SNX14: variants seen among roughly 807,000 people sequenced by gnomAD.
SNX14 encodes sorting nexin-14.
A neutral mutation model predicts 133.8 loss-of-function variants in SNX14; 93 were observed. The observed-to-expected ratio is 0.70, with a 90% CI of 0.59 to 0.83. SNX14 has a LOEUF of 0.83. Among genes scored for constraint, SNX14 ranks in the 40% least tolerant of loss-of-function variants. The pLI is 0.00. For synonymous variants in SNX14, 368 were observed against 365.6 expected (o/e 1.01, Z -0.07); for missense variants, 945 against 1,094.9 (o/e 0.86, Z 1.93).
At chr6:85,589,391 T>G (rs1229659936) in intron 1 of SNX14, 1 of 153,542 alleles carries the variant, frequency 6.5e-6, no homozygotes, top group African/African-American at 2.4e-5. Context: ...CAGCTAAATT[T>G]TTTGTATTTT....
intron 12 of SNX14, among the ~76,000 whole-genome samples, chr6:85,544,420 T>C (rs1784845171): frequency 6.6e-6 from 1 of 151,952 alleles, no homozygotes; most frequent in South Asian, 2.1e-4. Context: ...TTGCCATTCC[T>C]GTATGAGTTA....
At chr6:85,579,086 C>T (rs944793276) in intron 1 of SNX14, among the ~76,000 whole-genome samples, 1 of 151,792 alleles carries the variant, frequency 6.6e-6, no homozygotes, top group South Asian at 2.1e-4. Context: ...TGCAGTGAGC[C>T]GAGATCACGC....
At chr6:85,525,424 T>C (rs1345782060) in intron 21 of SNX14, among the ~76,000 whole-genome samples, 2 of 152,048 alleles carry the variant, frequency 1.3e-5, no homozygotes, top group Admixed American at 1.3e-4. Context: ...TCAAAACAAA[T>C]TAACAATGAT....
rs1489240582 is a variant in SNX14, at chr6:85,580,931, C to T, written c.141-6553G>A. 4.6e-5 allele frequency among the ~76,000 whole-genome samples: 7 copies of T among 152,244 alleles called. No homozygotes were observed. The East Asian group carries it at 1.4e-3, about 29-fold the overall frequency. On this transcript the variant is annotated intron_variant, in intron 1 of 28. Coordinates refer to ENST00000314673, the MANE Select transcript of SNX14 (RefSeq NM_153816.6). ...ACCCCATATCCAGGGGAACTTGCCA[C>T]CCTGAAGGGAAGGACACAAGCCTGG...
intron 17 of SNX14, among the ~76,000 whole-genome samples, chr6:85,536,024 G>A (rs142042208): frequency 6.6e-6 from 1 of 152,220 alleles, no homozygotes; most frequent in Non-Finnish European, 1.5e-5. Context: ...GCCTTTATGG[G>A]ACTATGTGAT....
rs1374407582 is a variant in SNX14 at position 85,513,832 on chromosome 6, T to C, written c.2621A>G (p.Gln874Arg). The part of the protein sequence containing the change: ...SLQDKQKGAK[Q>R]TFEEMMNYIP... ...GTAATTCATCATTTCTTCAAAAGTC[T>C]GTTTTGCTCCTTTTTGCTTATCTTG... Residue 874 changes from glutamine to arginine, a missense_variant, in exon 26 of 29, where the codon CAG becomes CGG. Coordinates refer to ENST00000314673, the MANE Select transcript of SNX14 (RefSeq NM_153816.6). The C allele has an allele frequency of 6.2e-7, 1 of 1,613,038 alleles. No homozygotes were observed. The highest frequency in any genetic ancestry group is 1.1e-5 in the South Asian group (1 of 90,938).
chr6:85,514,438 G>T, intron 24 of SNX14, 68 bp downstream of exon 24: 1 of 1,565,738 alleles, frequency 6.4e-7, no homozygotes, highest in Non-Finnish European at 8.7e-7. Flanking sequence ...CAATACTCAA[G>T]ATCATTATTT....
At chr6:85,547,611 C>A in intron 9 of SNX14, 61 bp from the exon 10 acceptor site, 1 of 1,342,004 alleles carries the variant, frequency 7.5e-7, no homozygotes, top group South Asian at 1.4e-5. Flanking sequence ...CCCCAGAATT[C>A]TCATAACTTG....
At position 85,572,093 on chromosome 6, in the gene SNX14, G is replaced by C. The variant is rs776799616; in HGVS notation, c.417+44C>G. On this transcript the variant is annotated intron_variant, in intron 4 of 28. Coordinates refer to ENST00000314673, the MANE Select transcript of SNX14 (RefSeq NM_153816.6). ...AAAAATTCTGGAAAATTTTTCCACAGGCATTTAACATTTTCTGTTAATAAT... is the reference window on the plus strand; with the variant it reads ...AAAAATTCTGGAAAATTTTTCCACACGCATTTAACATTTTCTGTTAATAAT... 3.3e-6 allele frequency: 5 copies of C among 1,513,534 alleles called. No homozygotes were observed. In the East Asian group the frequency reaches 1.1e-4, roughly 34 times the overall value. The allele number at this position is 1,513,534 out of a possible 1,614,324, so 93.8% of individuals were successfully genotyped here. A position where few individuals can be genotyped will look rare whatever the true frequency, so the allele number is the denominator to read the frequency against.
chr6:85,549,006 TTCTA>T (rs1786819091), intron 8 of SNX14, among the ~76,000 whole-genome samples: 2 of 151,416 alleles, frequency 1.3e-5, no homozygotes, highest in African/African-American at 2.4e-5. Flanking sequence ...AGAAAATACT[TTCTA>T]TCTAAGAATA....
At position 85,530,191 on chromosome 6, in the gene SNX14, C is replaced by A. The variant is rs876657386; in HGVS notation, c.1894+1G>T. ...TGTTTTATCCAAAAAGAATAACATACCATGAAATTCTGTTAGTTTTGATTC... is the reference window on the plus strand; with the variant it reads ...TGTTTTATCCAAAAAGAATAACATAACATGAAATTCTGTTAGTTTTGATTC... On this transcript the variant is annotated splice_donor_variant, in intron 19 of 28. Coordinates refer to ENST00000314673, the MANE Select transcript of SNX14 (RefSeq NM_153816.6). LOFTEE classifies it high-confidence loss of function. The A allele has an allele frequency of 1.3e-6, 2 of 1,537,118 alleles. No homozygotes were observed.
chr6:85,569,929 C>T (rs1449342519), intron 4 of SNX14, among the ~76,000 whole-genome samples: 1 of 152,214 alleles, frequency 6.6e-6, no homozygotes, highest in Non-Finnish European at 1.5e-5. Context: ...GAACATCCCA[C>T]CTTGTTTCAA....
rs1374600418 is a variant in SNX14, at chr6:85,513,770, T to A, written c.2653+30A>T. The A allele has an allele frequency of 5.2e-6, 8 of 1,525,310 alleles. No homozygotes were observed. In the East Asian group the frequency reaches 9.0e-5, roughly 17 times the overall value. The allele number at this position is 1,525,310 out of a possible 1,614,324, so 94.5% of individuals were successfully genotyped here. ...GACCTCAACGGACTGCTAATCTATA[T>A]GAAATTAAGTTACTTCTTAAATATT... On this transcript the variant is annotated intron_variant, in intron 26 of 28. Transcript: ENST00000314673.
chr6:85,567,731 C>G (rs1794327534), intron 4 of SNX14, 154 bp from the exon 5 acceptor site: 1 of 447,224 alleles, frequency 2.2e-6, no homozygotes, highest in Non-Finnish European at 3.9e-6. Context: ...ACCTGTAATC[C>G]CAGCACTTTG....
intron 1 of SNX14, among the ~76,000 whole-genome samples, chr6:85,585,914 T>C (rs1800672967): frequency 6.6e-6 from 1 of 151,598 alleles, no homozygotes; most frequent in African/African-American, 2.4e-5. Context: ...CAATCCTATC[T>C]TACATATCCA....
intron 1 of SNX14, among the ~76,000 whole-genome samples, chr6:85,584,230 C>T (rs1170116686): frequency 6.6e-6 from 1 of 152,156 alleles, no homozygotes; most frequent in Non-Finnish European, 1.5e-5. Context: ...CCTCCTTACA[C>T]CTTATACAAA....
intron 19 of SNX14, among the ~76,000 whole-genome samples, chr6:85,529,975 A>T (rs192652250): frequency 2.4e-4 from 37 of 152,282 alleles, no homozygotes; most frequent in African/African-American, 8.7e-4. Flanking sequence ...GATTTTATTT[A>T]AAAAAAGCAT....
chr6:85,529,988 A>G (rs1002833168), intron 19 of SNX14, among the ~76,000 whole-genome samples: 6 of 152,348 alleles, frequency 3.9e-5, no homozygotes, highest in Admixed American at 2.6e-4. Context: ...AAAAGCATAA[A>G]TGTACATTGC....
chr6:85,586,615 C>T (rs931910158), intron 1 of SNX14, among the ~76,000 whole-genome samples: 2 of 152,036 alleles, frequency 1.3e-5, no homozygotes, highest in African/African-American at 4.8e-5. Context: ...TGGTCTTGCA[C>T]TGTCACCCAG....
Sources: allele counts gnomAD v4.1 joint callset (sites outside exome capture counted in the v4.1 genomes callset), GRCh38; gene constraint gnomAD v4.1.1; transcripts MANE v1.5; gene names NCBI Gene and HGNC (gene_info 2026-07-23, HGNC 2026-07-21).